Variants in ACOXL observed in about 807,000 individuals in gnomAD.
ACOXL encodes the protein acyl-CoA oxidase like, also known as acyl-coenzyme A oxidase-like protein.
In ACOXL, 70 loss-of-function variants were observed where a neutral mutation model predicts 71.9. The ratio of observed to expected loss-of-function variants is 0.97; its 90% CI spans 0.80 to 1.19. The LOEUF (loss-of-function observed/expected upper bound fraction) is 1.19, where lower values mean the gene tolerates loss of function less well. ACOXL is among the 50% of genes most tolerant of loss of function. The pLI, the probability that ACOXL is intolerant of heterozygous loss-of-function variation, is 0.00. For synonymous variants in ACOXL, 253 were observed against 281.6 expected, an observed-to-expected ratio of 0.90 and a Z score of 1.02; for missense variants, 703 against 736.3, an observed-to-expected ratio of 0.95 and a Z score of 0.52.
At chr2:110,745,211 T>C (rs1228680606) in intron 1 of ACOXL, among the ~76,000 whole-genome samples, 2 of 152,180 alleles carry the variant, frequency 1.3e-5, no homozygotes, top group Admixed American at 6.5e-5. Flanking sequence ...CCTGACCTGC[T>C]CTCTTCCTGT....
chr2:111,016,880 G>C (rs1009189769), intron 14 of ACOXL, among the ~76,000 whole-genome samples: 1 of 151,634 alleles, frequency 6.6e-6, no homozygotes, highest in Non-Finnish European at 1.5e-5. Flanking sequence ...GGGGAGGATG[G>C]ACCCCTGGAA....
rs547496853 is a variant in ACOXL, at chr2:110,754,974, G to A, written c.-22-13394G>A. Among the ~76,000 whole-genome samples, 3 of 152,296 alleles carry A rather than the reference G, an allele frequency of 2.0e-5. No individual in the cohort carries two copies. In the South Asian group the frequency reaches 6.2e-4, roughly 32 times the overall value. On this transcript the variant is annotated intron_variant, in intron 1 of 17. Transcript: ENST00000439055. Reference sequence around the variant, plus strand: ...AGGGGTCTAGTTGCTCAGCATGCTTGTTAACACTTGGTATGGTCAGCATTT... The same window carrying A: ...AGGGGTCTAGTTGCTCAGCATGCTTATTAACACTTGGTATGGTCAGCATTT...
chr2:111,071,040 A>G (rs1321734004), intron 16 of ACOXL, among the ~76,000 whole-genome samples: 1 of 152,180 alleles, frequency 6.6e-6, no homozygotes, highest in African/African-American at 2.4e-5. Context: ...GCTCAGATTC[A>G]TTCTCAACCC....
rs936211709 is a variant in ACOXL, at chr2:110,791,195, G to C, written c.160-2455G>C. Among the ~76,000 whole-genome samples, 5 of 152,246 alleles carry C rather than the reference G, an allele frequency of 3.3e-5. 1 individual carries two copies. In the South Asian group the frequency reaches 1.0e-3, roughly 31 times the overall value. On this transcript the variant is annotated intron_variant, in intron 3 of 17. Coordinates refer to ENST00000439055, the MANE Select transcript of ACOXL (RefSeq NM_001142807.4). Reference sequence around the variant, plus strand: ...AATGAACCCCACACTTTACCTGACTGTGTGGATTGAGGTCATGCAGACACT... The same window carrying C: ...AATGAACCCCACACTTTACCTGACTCTGTGGATTGAGGTCATGCAGACACT...
chr2:110,951,622 G>A (rs989515924), intron 12 of ACOXL, among the ~76,000 whole-genome samples: 2 of 152,132 alleles, frequency 1.3e-5, no homozygotes, highest in African/African-American at 2.4e-5. Flanking sequence ...GGAAAAGCCT[G>A]TTTTACTCTT....
intron 11 of ACOXL, among the ~76,000 whole-genome samples, chr2:110,930,055 G>A (rs777822912): frequency 2.6e-5 from 4 of 152,166 alleles, no homozygotes; most frequent in Non-Finnish European, 5.9e-5. Flanking sequence ...GCCTAGTAGA[G>A]CTGTGTCCTC....
chr2:110,836,528 C>T (rs769546133), intron 9 of ACOXL, among the ~76,000 whole-genome samples: 16 of 151,942 alleles, frequency 1.1e-4, no homozygotes, highest in Non-Finnish European at 2.2e-4. Flanking sequence ...ATGTGGGTGC[C>T]GTGGCCCTGT....
chr2:110,881,187 C>A (rs1435127722), intron 10 of ACOXL, among the ~76,000 whole-genome samples: 2 of 151,266 alleles, frequency 1.3e-5, no homozygotes, highest in Non-Finnish European at 2.9e-5. Context: ...ATATATATTA[C>A]ATATCACATA....
chr2:110,764,265 G>A (rs1248131397), intron 1 of ACOXL, among the ~76,000 whole-genome samples: 1 of 152,084 alleles, frequency 6.6e-6, no homozygotes, highest in Non-Finnish European at 1.5e-5. Flanking sequence ...TAACCAAGAT[G>A]TCTATCAGTA....
intron 2 of ACOXL, among the ~76,000 whole-genome samples, chr2:110,775,671 C>T (rs1174344962): frequency 6.6e-6 from 1 of 152,102 alleles, no homozygotes; most frequent in African/African-American, 2.4e-5. Flanking sequence ...TAGGCAAATA[C>T]AAATCACAAC....
chr2:110,862,910 C>G (rs1694125239), intron 10 of ACOXL, among the ~76,000 whole-genome samples: 1 of 152,216 alleles, frequency 6.6e-6, no homozygotes, highest in Non-Finnish European at 1.5e-5. Context: ...CAACCACCAC[C>G]TAGGGCCCCG....
intron 1 of ACOXL, among the ~76,000 whole-genome samples, chr2:110,767,602 T>C (rs1412901222): frequency 6.6e-6 from 1 of 152,190 alleles, no homozygotes; most frequent in Non-Finnish European, 1.5e-5. Context: ...CACTCTGTTA[T>C]TCCAAAGGTG....
intron 10 of ACOXL, among the ~76,000 whole-genome samples, chr2:110,870,879 G>A (rs1695193181): frequency 6.6e-6 from 1 of 152,200 alleles, no homozygotes; most frequent in African/African-American, 2.4e-5. Flanking sequence ...ACTGTGACAC[G>A]TGGAGTTTTG....
chr2:110,774,956 G>A (rs994155086), intron 2 of ACOXL, among the ~76,000 whole-genome samples: 4 of 152,198 alleles, frequency 2.6e-5, no homozygotes, highest in African/African-American at 9.7e-5. Flanking sequence ...TGTGGAACTG[G>A]CATAAAGACA....
At chr2:111,102,990 T>C (rs1251088372) in intron 17 of ACOXL, among the ~76,000 whole-genome samples, 2 of 152,136 alleles carry the variant, frequency 1.3e-5, no homozygotes, top group East Asian at 3.9e-4. Context: ...TTAGTAACCA[T>C]TAAAAGATAG....
At chr2:110,846,547 G>A (rs1203094681) in intron 10 of ACOXL, among the ~76,000 whole-genome samples, 1 of 152,052 alleles carries the variant, frequency 6.6e-6, no homozygotes, top group Non-Finnish European at 1.5e-5. Flanking sequence ...TGCATATGCA[G>A]TGGTGCTTCA....
At chr2:111,049,699 A>T (rs1221774473) in intron 16 of ACOXL, among the ~76,000 whole-genome samples, 1 of 152,198 alleles carries the variant, frequency 6.6e-6, no homozygotes, top group Non-Finnish European at 1.5e-5. Flanking sequence ...CACCTTAAGG[A>T]ATGCTACACA....
intron 16 of ACOXL, among the ~76,000 whole-genome samples, chr2:111,071,633 T>G (rs78549647): frequency 0.014 from 2,073 of 152,310 alleles, 65 homozygotes; most frequent in African/African-American, 0.048. Flanking sequence ...TGTTCTGATA[T>G]CACGCTGGTA....
At chr2:111,070,031 A>T (rs1383852012) in intron 16 of ACOXL, among the ~76,000 whole-genome samples, 2 of 151,982 alleles carry the variant, frequency 1.3e-5, no homozygotes, top group African/African-American at 4.8e-5. Context: ...TGCCCTCAGG[A>T]CTCAGAAGCA....
Sources: gnomAD v4.1 joint callset for allele counts (sites outside exome capture counted in the v4.1 genomes callset) on GRCh38, gnomAD v4.1.1 for gene constraint, MANE v1.5 for transcripts, NCBI Gene and HGNC (gene_info 2026-07-23, HGNC 2026-07-21) for gene names.